The following CPA6 variants were observed in gnomAD, a reference collection of about 807,000 sequenced individuals.
CPA6 encodes the protein carboxypeptidase A6, also known as carboxypeptidase B.
In CPA6, 58 loss-of-function variants were observed where a neutral mutation model predicts 63.3. The observed-to-expected ratio is 0.92, with a 90% CI of 0.74 to 1.14. The LOEUF (loss-of-function observed/expected upper bound fraction) is 1.14, where lower values mean the gene tolerates loss of function less well. Among genes scored for constraint, CPA6 ranks in the 50% most tolerant of loss-of-function variants. The pLI is 0.00. For synonymous variants in CPA6, 185 were observed against 179.0 expected (o/e 1.03, Z -0.27); for missense variants, 565 against 526.6 (o/e 1.07, Z -0.71).
At chr8:67,698,831 C>T (rs1256803959) in intron 1 of CPA6, among the ~76,000 whole-genome samples, 1 of 152,148 alleles carries the variant, frequency 6.6e-6, no homozygotes, top group Non-Finnish European at 1.5e-5. Context: ...ATGAAATTAA[C>T]TGAGAAAGGC....
intron 2 of CPA6, chr8:67,569,560 A>G (rs1462972509): frequency 6.4e-6 from 3 of 468,300 alleles, no homozygotes; most frequent in Admixed American, 2.3e-5. Context: ...GGCAACGACC[A>G]CACAACAAGC....
chr8:67,543,385 C>T (rs1812746486), intron 2 of CPA6, among the ~76,000 whole-genome samples: 1 of 152,210 alleles, frequency 6.6e-6, no homozygotes, highest in Non-Finnish European at 1.5e-5. Context: ...ATGAATTACA[C>T]AACTTCTTAC....
At chr8:67,584,399 T>G (rs1813867855) in intron 2 of CPA6, among the ~76,000 whole-genome samples, 1 of 152,146 alleles carries the variant, frequency 6.6e-6, no homozygotes, top group Non-Finnish European at 1.5e-5. Flanking sequence ...ATATAAATAA[T>G]ATAGCTTTAC....
chr8:67,580,516 C>T (rs892554101), intron 2 of CPA6, among the ~76,000 whole-genome samples: 1 of 152,114 alleles, frequency 6.6e-6, no homozygotes, highest in African/African-American at 2.4e-5. Context: ...AACTGGGTTG[C>T]ATTTTAGTCT....
chr8:67,699,066 T>C (rs1417599809), intron 1 of CPA6, among the ~76,000 whole-genome samples: 2 of 152,246 alleles, frequency 1.3e-5, no homozygotes, highest in East Asian at 1.9e-4. Flanking sequence ...AGAATAACTT[T>C]CCCAAATGCT....
chr8:67,725,943 A>G (rs931103505), intron 1 of CPA6, among the ~76,000 whole-genome samples: 5 of 152,294 alleles, frequency 3.3e-5, no homozygotes, highest in Admixed American at 2.6e-4. Flanking sequence ...CTTTGAAGAT[A>G]ATTTTTTTTC....
intron 2 of CPA6, among the ~76,000 whole-genome samples, chr8:67,527,395 G>A (rs939912056): frequency 2.6e-5 from 4 of 152,110 alleles, no homozygotes; most frequent in Admixed American, 6.5e-5. Context: ...ATCACATAAA[G>A]CTCATCTTTG....
intron 6 of CPA6, among the ~76,000 whole-genome samples, chr8:67,500,019 C>T (rs1811799737): frequency 6.6e-6 from 1 of 152,118 alleles, no homozygotes; most frequent in Non-Finnish European, 1.5e-5. Flanking sequence ...GCCAGGAGTG[C>T]AATTACTGGG....
chr8:67,434,593 G>A (rs1480441885), intron 8 of CPA6, among the ~76,000 whole-genome samples: 1 of 152,214 alleles, frequency 6.6e-6, no homozygotes, highest in Non-Finnish European at 1.5e-5. Flanking sequence ...GTTAATGTCA[G>A]ATAGAAAGAA....
chr8:67,621,692 T>C (rs987210538), intron 2 of CPA6, among the ~76,000 whole-genome samples: 1 of 152,240 alleles, frequency 6.6e-6, no homozygotes, highest in East Asian at 1.9e-4. Flanking sequence ...GATGTGACTG[T>C]GTGGAGTGTA....
rs117656466 is a variant in CPA6, at chr8:67,646,162, G to A, written c.117-21911C>T. On this transcript the variant is annotated intron_variant, in intron 1 of 10. Transcript: ENST00000297770. ...GACAGGTGACAAACACCATGAGAAT[G>A]ACTGGAAGCAACCATAAAAAGACAA... is the stretch of plus-strand genomic sequence containing the variant. Among the ~76,000 whole-genome samples the A allele has an allele frequency of 3.5e-3, 539 of 152,308 alleles. 3 individuals carry two copies. Among genetic ancestry groups the A allele is most frequent in the South Asian group, 0.011 (51 of 4,818 alleles).
rs148796721 is a variant in CPA6, at chr8:67,467,827, A to C, written c.838+15941T>G. Among the ~76,000 whole-genome samples the C allele has an allele frequency of 4.1e-4, 62 of 151,692 alleles. No individual in the cohort carries two copies. In the East Asian group the frequency reaches 0.012, roughly 29 times the overall value. ...AGACCAGCCTGGCCAACAGGGTGAA[A>C]ACCCATCTCTATTAAAAATACAAAA... On this transcript the variant is annotated intron_variant, in intron 8 of 10. Coordinates refer to ENST00000297770, the MANE Select transcript of CPA6 (RefSeq NM_020361.5).
At chr8:67,537,449 C>A (rs11990025) in intron 2 of CPA6, among the ~76,000 whole-genome samples, 17,627 of 152,126 alleles carry the variant, frequency 0.12, 2,725 homozygotes, top group African/African-American at 0.35. Context: ...AGAATTTATC[C>A]ATTTCTTGTA....
intron 1 of CPA6, among the ~76,000 whole-genome samples, chr8:67,624,691 T>G (rs1192531847): frequency 2.0e-5 from 3 of 152,204 alleles, no homozygotes; most frequent in Non-Finnish European, 2.9e-5. Context: ...GGAAAGCTTC[T>G]GGTTTGAATT....
intron 1 of CPA6, among the ~76,000 whole-genome samples, chr8:67,693,370 C>A (rs1816851109): frequency 6.6e-6 from 1 of 152,200 alleles, no homozygotes. Context: ...GGATGTGGAA[C>A]ATACTCGGGT....
At chr8:67,536,690 C>A (rs544699600) in intron 2 of CPA6, among the ~76,000 whole-genome samples, 103 of 152,310 alleles carry the variant, frequency 6.8e-4, no homozygotes, top group Non-Finnish European at 1.3e-3. Context: ...CCATTTATTT[C>A]TTTCTCTTGC....
At chr8:67,446,992 T>G (rs192363068) in intron 8 of CPA6, among the ~76,000 whole-genome samples, 58 of 151,458 alleles carry the variant, frequency 3.8e-4, no homozygotes, top group African/African-American at 1.3e-3. Context: ...TAGGTATAAA[T>G]TACACATTCA....
intron 2 of CPA6, among the ~76,000 whole-genome samples, chr8:67,524,618 TTTG>T (rs1479826185): frequency 6.6e-6 from 1 of 151,946 alleles, no homozygotes; most frequent in African/African-American, 2.4e-5. Flanking sequence ...AAAAACTTTT[TTTG>T]TTTTTTTGCA....
intron 2 of CPA6, among the ~76,000 whole-genome samples, chr8:67,583,159 G>C (rs1163280201): frequency 8.2e-6 from 1 of 122,142 alleles, no homozygotes; most frequent in Non-Finnish European, 1.8e-5. Context: ...TTGAGGGTGA[G>C]GGGGCTGGGT....
Sources: allele counts gnomAD v4.1 joint callset (sites outside exome capture counted in the v4.1 genomes callset), GRCh38; gene constraint gnomAD v4.1.1; transcripts MANE v1.5; gene names NCBI Gene and HGNC (gene_info 2026-07-23, HGNC 2026-07-21).